The following RGS12 variants were observed in gnomAD, a reference collection of about 807,000 sequenced individuals.
RGS12 encodes the protein regulator of G protein signaling 12.
Under a neutral mutation model 120.1 loss-of-function variants are expected in RGS12, and 66 were observed. That is an observed-to-expected ratio of 0.55 (90% confidence interval 0.45 to 0.67). The LOEUF (loss-of-function observed/expected upper bound fraction) is 0.67. RGS12 is among the 30% of genes least tolerant of loss of function. The pLI is 0.00. For missense variants in RGS12, 1,859 were observed against 1,957.7 expected (o/e 0.95, Z 0.95); for synonymous variants, 827 against 804.7 (o/e 1.03, Z -0.47).
At chr4:3,403,783 C>T (rs749918274) in intron 4 of RGS12, among the ~76,000 whole-genome samples, 2 of 152,212 alleles carry the variant, frequency 1.3e-5, no homozygotes, top group Non-Finnish European at 2.9e-5. Context: ...CAGGGATTCC[C>T]GTAAGATTTC....
intron 9 of RGS12, 59 bp downstream of exon 9, chr4:3,417,600 G>GAGA: frequency 6.3e-7 from 1 of 1,577,764 alleles, no homozygotes. Context: ...TCCCCGTCCT[G>GAGA]GCGTCGCTCT....
At chr4:3,397,731 A>G (rs1480847354) in intron 4 of RGS12, among the ~76,000 whole-genome samples, 1 of 152,254 alleles carries the variant, frequency 6.6e-6, no homozygotes, top group Non-Finnish European at 1.5e-5. Context: ...ATGAGTACAG[A>G]ATGCAGAAAA....
chr4:3,379,027 G>A (rs962009955), intron 3 of RGS12, among the ~76,000 whole-genome samples: 4 of 151,704 alleles, frequency 2.6e-5, no homozygotes, highest in African/African-American at 9.7e-5. Flanking sequence ...GTGTGTGTGT[G>A]TGTGTGTGTG....
rs530573217 is a variant in RGS12, at chr4:3,300,021, A to T, written c.-102+6922A>T. Among the ~76,000 whole-genome samples, 5 of 152,300 alleles carry T rather than the reference A, an allele frequency of 3.3e-5. No homozygotes were observed. The East Asian group carries it at 9.6e-4, about 29-fold the overall frequency. ...ACAGTCTTTTCTAACTCTGTGCTGCAGTTTGTCTATAAAATAAGGTTGTTG... is the reference window on the plus strand; with the variant it reads ...ACAGTCTTTTCTAACTCTGTGCTGCTGTTTGTCTATAAAATAAGGTTGTTG... On this transcript the variant is annotated intron_variant, in intron 1 of 17. Transcript: ENST00000336727.
chr4:3,353,783 C>T (rs1318738953), intron 3 of RGS12, among the ~76,000 whole-genome samples: 4 of 152,146 alleles, frequency 2.6e-5, no homozygotes, highest in Non-Finnish European at 5.9e-5. Context: ...GGGGCCAGGA[C>T]TCCCTTCATA....
At chr4:3,308,683 T>G (rs989269644) in intron 1 of RGS12, among the ~76,000 whole-genome samples, 4 of 152,254 alleles carry the variant, frequency 2.6e-5, no homozygotes, top group African/African-American at 9.6e-5. Context: ...GACTTGTCTT[T>G]TTCTTCTGAA....
At chr4:3,409,196 G>A (rs1228313771) in intron 4 of RGS12, among the ~76,000 whole-genome samples, 2 of 152,172 alleles carry the variant, frequency 1.3e-5, no homozygotes. Flanking sequence ...TCTGCCATGT[G>A]GTTTCCTGTA....
In RGS12 at chr4:3,374,384, C is replaced by T. The variant is rs1170961291; in HGVS notation, c.1999-12032C>T. ...TGGGCGGGGACCGGTCTCCTTCCGC[C>T]ACCACCTTCCACGACAGGCTCGATT... On this transcript the variant is annotated intron_variant, in intron 3 of 17. Transcript: ENST00000336727. This position sits in a 1 kb window ranked among gnomAD's most constrained non-coding sequence, Gnocchi z 6.3. Among the ~76,000 whole-genome samples the T allele has an allele frequency of 6.6e-6, 1 of 152,178 alleles. No individual in the cohort carries two copies. The highest frequency in any genetic ancestry group is 1.5e-5 in the Non-Finnish European group (1 of 68,036).
intron 2 of RGS12, among the ~76,000 whole-genome samples, chr4:3,327,188 A>G (rs1040608806): frequency 2.6e-5 from 4 of 152,226 alleles, no homozygotes; most frequent in Non-Finnish European, 5.9e-5. Context: ...AGAGCATACA[A>G]TGGGGAAAAG....
chr4:3,345,744 A>G (rs1713728024), intron 3 of RGS12, among the ~76,000 whole-genome samples: 1 of 152,246 alleles, frequency 6.6e-6, no homozygotes, highest in African/African-American at 2.4e-5. Flanking sequence ...AACAGATAAA[A>G]AATTTATAAA....
intron 1 of RGS12, among the ~76,000 whole-genome samples, chr4:3,302,686 C>T (rs887133204): frequency 2.4e-4 from 36 of 152,316 alleles, no homozygotes; most frequent in African/African-American, 8.7e-4. Flanking sequence ...AAGGGAGGCG[C>T]CCCAGGAGTG....
At position 3,316,361 on chromosome 4, in the gene RGS12, T is replaced by G; in HGVS notation, c.191T>G (p.Ile64Arg). The G allele has an allele frequency of 6.2e-7, 1 of 1,613,398 alleles. No individual in the cohort carries two copies. The highest frequency in any genetic ancestry group is 8.5e-7 in the Non-Finnish European group (1 of 1,179,670). Residue 64 changes from isoleucine to arginine, a missense_variant, in exon 2 of 18, where the codon ATA (isoleucine) becomes AGA (arginine). This residue lies in a region of RGS12 where 967 missense variants were observed against 994.2 expected (regional missense o/e 0.97). Coordinates refer to ENST00000336727, the MANE Select transcript of RGS12 (RefSeq NM_001394154.1). ...GTGGGCCTCCGAGCTGGAGACCAGA[T>G]ACTTGCTGTCAATGAAATCAACGTG... ...DFVGLRAGDQ[I>R]LAVNEINVKK... is the part of the protein sequence containing the mutation.
chr4:3,401,939 C>T (rs781518255), intron 4 of RGS12, among the ~76,000 whole-genome samples: 6 of 152,214 alleles, frequency 3.9e-5, no homozygotes, highest in Admixed American at 1.3e-4. Flanking sequence ...CAGAGCCTCT[C>T]CACAGTCAGC....
chr4:3,368,241 G>A (rs571616781), intron 3 of RGS12, among the ~76,000 whole-genome samples: 43 of 152,308 alleles, frequency 2.8e-4, no homozygotes, highest in African/African-American at 9.6e-4. Flanking sequence ...AGGTTAACGG[G>A]CAGGTCAGCG....
chr4:3,409,138 C>T (rs912835954), intron 4 of RGS12, among the ~76,000 whole-genome samples: 1 of 152,214 alleles, frequency 6.6e-6, no homozygotes, highest in South Asian at 2.1e-4. Context: ...CCTGCATCTG[C>T]TCTCTGCCGT....
In RGS12 at chr4:3,416,913, A is replaced by C; in HGVS notation, c.2428A>C (p.Ile810Leu). 2.5e-6 allele frequency: 4 copies of C among 1,594,500 alleles called. No homozygotes were observed. Among genetic ancestry groups the C allele is most frequent in the Non-Finnish European group, 3.4e-6 (4 of 1,164,798 alleles). ...PDMFKEQQLQ[I>L]FNLMKFDSYT... The stretch of plus-strand genomic sequence containing the variant: ...GTCCCACCTTACATCTTCTCCCCAG[A>C]TCTTCAATCTCATGAAGTTTGATAG... Residue 810 changes from isoleucine (I) to leucine (L), a missense_variant and splice_region_variant, in exon 8 of 18, where the codon ATC becomes CTC. Physicochemically the swap from Ile to Leu is conservative, Grantham distance 5. Coordinates refer to ENST00000336727, the MANE Select transcript of RGS12 (RefSeq NM_001394154.1).
At chr4:3,418,824 G>T (rs953219504) in intron 9 of RGS12, 4 of 151,970 alleles carry the variant, frequency 2.6e-5, no homozygotes, top group Admixed American at 2.0e-4. Context: ...GGGAGTGTTC[G>T]CTTCAGACAG....
intron 4 of RGS12, among the ~76,000 whole-genome samples, chr4:3,402,656 G>A (rs993074090): frequency 9.2e-5 from 14 of 152,240 alleles, no homozygotes; most frequent in African/African-American, 2.6e-4. Flanking sequence ...GTTGGGTGGC[G>A]TCCTCTGCGT....
At chr4:3,318,953 TAA>T (rs1724998939) in intron 2 of RGS12, among the ~76,000 whole-genome samples, 1 of 152,248 alleles carries the variant, frequency 6.6e-6, no homozygotes, top group Admixed American at 6.5e-5. Flanking sequence ...GTTTACGATG[TAA>T]AGACACCTTT....
Sources: allele counts gnomAD v4.1 joint callset (sites outside exome capture counted in the v4.1 genomes callset), GRCh38; gene constraint gnomAD v4.1.1; regional missense constraint gnomAD v4.1.1; non-coding constraint Gnocchi (gnomAD v3.1); transcripts MANE v1.5; gene names NCBI Gene and HGNC (gene_info 2026-07-23, HGNC 2026-07-21).